The following GABBR2 variants were observed in gnomAD, a reference collection of about 807,000 sequenced individuals.
GABBR2 encodes gamma-aminobutyric acid type B receptor subunit 2.
Under a neutral mutation model 105.6 loss-of-function variants are expected in GABBR2, and 23 were observed. That is an observed-to-expected ratio of 0.22 (90% confidence interval 0.16 to 0.31). The LOEUF (loss-of-function observed/expected upper bound fraction) is 0.31, where lower values mean the gene tolerates loss of function less well. Among genes scored for constraint, GABBR2 ranks in the 10% least tolerant of loss-of-function variants. The pLI is 1.00. For missense variants in GABBR2, 734 were observed against 1,245.5 expected, an observed-to-expected ratio of 0.59 and a Z score of 6.18; for synonymous variants, 478 against 499.7, an observed-to-expected ratio of 0.96 and a Z score of 0.58.
In GABBR2 at chr9:98,576,391, C is replaced by T. The variant is rs142869891; in HGVS notation, c.459+1544G>A. Among the ~76,000 whole-genome samples the T allele has an allele frequency of 2.1e-3, 327 of 152,336 alleles. 3 individuals are homozygous for T. In the South Asian group the frequency reaches 0.036, roughly 17 times the overall value. ...TGGAATGCGCTTCACCCAGTGGTCTCCTTCTCACCCTTTGGGTCTCAGCTT... is the reference window on the plus strand; with the variant it reads ...TGGAATGCGCTTCACCCAGTGGTCTTCTTCTCACCCTTTGGGTCTCAGCTT... On this transcript the variant is annotated intron_variant, in intron 2 of 18. Transcript: ENST00000259455.
intron 7 of GABBR2, among the ~76,000 whole-genome samples, chr9:98,415,374 T>G (rs1480662482): frequency 2.0e-5 from 3 of 152,190 alleles, no homozygotes; most frequent in Non-Finnish European, 4.4e-5. Context: ...ATAGATTAAT[T>G]TTTTTACTAT....
chr9:98,321,478 G>A (rs370283450), intron 13 of GABBR2, among the ~76,000 whole-genome samples: 1 of 152,190 alleles, frequency 6.6e-6, no homozygotes, highest in African/African-American at 2.4e-5. Context: ...GGCATTGCCC[G>A]GGAGTGCACG....
At chr9:98,326,260 A>G (rs1830922411) in intron 13 of GABBR2, among the ~76,000 whole-genome samples, 1 of 152,242 alleles carries the variant, frequency 6.6e-6, no homozygotes, top group Non-Finnish European at 1.5e-5. Flanking sequence ...CAGTGAGCAT[A>G]TAACTGCCTC....
At chr9:98,683,620 G>A (rs942841421) in intron 1 of GABBR2, among the ~76,000 whole-genome samples, 10 of 152,082 alleles carry the variant, frequency 6.6e-5, no homozygotes, top group Non-Finnish European at 1.5e-4. Flanking sequence ...TCATGGAGAT[G>A]CGCATCTATT....
At chr9:98,515,700 T>G (rs1015164689) in intron 3 of GABBR2, among the ~76,000 whole-genome samples, 1 of 150,842 alleles carries the variant, frequency 6.6e-6, no homozygotes, top group Non-Finnish European at 1.5e-5. Flanking sequence ...CCACTCCCCC[T>G]CTCCCACCCC....
At chr9:98,365,166 G>A (rs1831654403) in intron 12 of GABBR2, among the ~76,000 whole-genome samples, 1 of 152,202 alleles carries the variant, frequency 6.6e-6, no homozygotes, top group African/African-American at 2.4e-5. Flanking sequence ...GTGATCTTGA[G>A]CAAGCTGCTT....
At chr9:98,702,251 T>C (rs1830839028) in intron 1 of GABBR2, among the ~76,000 whole-genome samples, 2 of 152,026 alleles carry the variant, frequency 1.3e-5, no homozygotes, top group Admixed American at 1.3e-4. Context: ...GTGCATCTAA[T>C]TCCAGTGACT....
intron 13 of GABBR2, among the ~76,000 whole-genome samples, chr9:98,315,423 G>A (rs1408737372): frequency 6.6e-6 from 1 of 152,232 alleles, no homozygotes; most frequent in African/African-American, 2.4e-5. Flanking sequence ...CGGTGGCAGG[G>A]GTTGGGATAG....
At chr9:98,391,302 A>G (rs1832175998) in intron 9 of GABBR2, among the ~76,000 whole-genome samples, 1 of 152,170 alleles carries the variant, frequency 6.6e-6, no homozygotes, top group South Asian at 2.1e-4. Flanking sequence ...GATCCACCCA[A>G]CAGCCTCAGG....
chr9:98,485,852 T>C (rs892929381), intron 4 of GABBR2, among the ~76,000 whole-genome samples: 23 of 152,150 alleles, frequency 1.5e-4, no homozygotes, highest in Admixed American at 2.6e-4. Context: ...TCTGGAGAAC[T>C]GCCCTCAGCT....
At chr9:98,310,307 G>A (rs543454896) in intron 14 of GABBR2, among the ~76,000 whole-genome samples, 3 of 151,904 alleles carry the variant, frequency 2.0e-5, no homozygotes, top group Non-Finnish European at 2.9e-5. Flanking sequence ...GGAGTGCAAT[G>A]GCCTGATCTC....
At chr9:98,422,346 T>C (rs1335684566) in intron 7 of GABBR2, among the ~76,000 whole-genome samples, 1 of 152,104 alleles carries the variant, frequency 6.6e-6, no homozygotes, top group South Asian at 2.1e-4. Flanking sequence ...GCACTTCTGG[T>C]GGGATGTCAC....
intron 1 of GABBR2, among the ~76,000 whole-genome samples, chr9:98,662,188 T>C (rs1268271906): frequency 6.6e-6 from 1 of 152,066 alleles, no homozygotes; most frequent in Non-Finnish European, 1.5e-5. Flanking sequence ...TAATATGAGA[T>C]TTTGGAGCTG....
At chr9:98,692,411 G>A (rs1269732883) in intron 1 of GABBR2, among the ~76,000 whole-genome samples, 2 of 152,196 alleles carry the variant, frequency 1.3e-5, no homozygotes, top group African/African-American at 4.8e-5. Flanking sequence ...TTCTTGAAGT[G>A]CTTAGGAGGA....
intron 14 of GABBR2, among the ~76,000 whole-genome samples, chr9:98,310,607 G>A (rs1421631233): frequency 6.6e-6 from 1 of 152,102 alleles, no homozygotes; most frequent in East Asian, 1.9e-4. Context: ...CAGTTTGGAG[G>A]TTACTAGGCA....
At chr9:98,563,451 T>C (rs1438213539) in intron 2 of GABBR2, among the ~76,000 whole-genome samples, 1 of 152,170 alleles carries the variant, frequency 6.6e-6, no homozygotes, top group South Asian at 2.1e-4. Flanking sequence ...TGGAAACGCT[T>C]CCCAAACAAG....
At chr9:98,436,624 TCCATGCC>T (rs1564068452) in intron 7 of GABBR2, among the ~76,000 whole-genome samples, 1 of 151,018 alleles carries the variant, frequency 6.6e-6, no homozygotes, top group East Asian at 2.0e-4. Flanking sequence ...ATCTGCAGGC[TCCATGCC>T]CCGTGCTCCT....
intron 1 of GABBR2, among the ~76,000 whole-genome samples, chr9:98,683,111 C>T (rs1830570583): frequency 6.6e-6 from 1 of 152,102 alleles, no homozygotes; most frequent in Admixed American, 6.6e-5. Flanking sequence ...CCACCTCCCC[C>T]GAGACGGAGT....
chr9:98,302,723 A>G (rs2131349126), intron 16 of GABBR2: 1 of 152,504 alleles, frequency 6.6e-6, no homozygotes, highest in Non-Finnish European at 1.5e-5. Flanking sequence ...TGGCTTGGGC[A>G]CAAGGCAATC....
Sources: gnomAD v4.1 joint callset for allele counts (sites outside exome capture counted in the v4.1 genomes callset) on GRCh38, gnomAD v4.1.1 for gene constraint, MANE v1.5 for transcripts, NCBI Gene and HGNC (gene_info 2026-07-23, HGNC 2026-07-21) for gene names.